ANK1: variants seen among roughly 807,000 people sequenced by gnomAD.
ANK1 encodes ankyrin-1.
Under a neutral mutation model 210.4 loss-of-function variants are expected in ANK1, and 51 were observed. The ratio of observed to expected loss-of-function variants is 0.24; its 90% CI spans 0.19 to 0.31. The LOEUF (loss-of-function observed/expected upper bound fraction) is 0.31. Among genes scored for constraint, ANK1 ranks in the 10% least tolerant of loss-of-function variants. The probability of loss-of-function intolerance (pLI) is 1.00; values close to 1 mark genes in which losing one functional copy is unlikely to be tolerated. For missense variants in ANK1, 2,051 were observed against 2,504.4 expected (o/e 0.82, Z 3.86); for synonymous variants, 967 against 1,025.9 (o/e 0.94, Z 1.10).
chr8:41,833,735 G>A (rs1368400813), intron 1 of ANK1, among the ~76,000 whole-genome samples: 1 of 152,162 alleles, frequency 6.6e-6, no homozygotes, highest in African/African-American at 2.4e-5. Context: ...CTGTGTTGGT[G>A]CTGTGGCTGC....
At chr8:41,659,645 AC>A (rs983797766) in intron 42 of ANK1, among the ~76,000 whole-genome samples, 3 of 151,904 alleles carry the variant, frequency 2.0e-5, no homozygotes, top group African/African-American at 7.3e-5. Context: ...ACCCTCTGGG[AC>A]TTTGGCAGGA....
chr8:41,747,818 A>T (rs947926273), intron 2 of ANK1, among the ~76,000 whole-genome samples: 4 of 152,198 alleles, frequency 2.6e-5, no homozygotes, highest in Non-Finnish European at 5.9e-5. Flanking sequence ...GATTCCATGG[A>T]ATGTCCCTGC....
chr8:41,849,507 G>C lies in ANK1; in HGVS notation c.126+46848C>G, dbSNP rs115080873. ...CCATTGTACTCCAGCCTGGGAGAGAGAGCGAGACAATGTCCCAAAAAAAAA... is the reference window on the plus strand; with the variant it reads ...CCATTGTACTCCAGCCTGGGAGAGACAGCGAGACAATGTCCCAAAAAAAAA... On this transcript the variant is annotated intron_variant, in intron 1 of 42. Transcript: ENST00000265709. Among the ~76,000 whole-genome samples, 681 of 128,012 alleles carry C rather than the reference G, an allele frequency of 5.3e-3. 5 individuals carry two copies. Among genetic ancestry groups the C allele is most frequent in the African/African-American group, 0.017 (536 of 32,450 alleles). The allele number at this position is 128,012 out of a possible 152,430, so 84.0% of individuals were successfully genotyped here.
intron 1 of ANK1, among the ~76,000 whole-genome samples, chr8:41,764,402 A>G (rs1210989494): frequency 6.6e-6 from 1 of 152,176 alleles, no homozygotes; most frequent in Non-Finnish European, 1.5e-5. Context: ...AAAGAATCCA[A>G]TGTGTTCCAT....
chr8:41,697,719 G>C, intron 24 of ANK1: 1 of 422,522 alleles, frequency 2.4e-6, no homozygotes, highest in South Asian at 2.1e-5. Flanking sequence ...GCTGGCTGGA[G>C]TTCCTACCCT....
chr8:41,699,661 G>A (rs1822140630), intron 22 of ANK1, 113 bp from the exon 23 acceptor site: 1 of 967,364 alleles, frequency 1.0e-6, no homozygotes, highest in South Asian at 1.3e-5. Flanking sequence ...GAGGAGTGGG[G>A]AAGGTCTTGA....
At chr8:41,695,890 G>C (rs1300443568) in intron 26 of ANK1, among the ~76,000 whole-genome samples, 1 of 152,222 alleles carries the variant, frequency 6.6e-6, no homozygotes, top group Non-Finnish European at 1.5e-5. Context: ...CTTCAAGGGA[G>C]TGGAGCACAG....
At chr8:41,778,953 A>G (rs957778748) in intron 1 of ANK1, among the ~76,000 whole-genome samples, 3 of 152,172 alleles carry the variant, frequency 2.0e-5, no homozygotes, top group Non-Finnish European at 4.4e-5. Context: ...AGTAAGATCT[A>G]TTTATCCCAC....
Position 41,715,750 on chromosome 8 carries a change from C to A in ANK1, c.1504G>T (p.Ala502Ser), listed in dbSNP as rs758845076. Residue 502 changes from alanine to serine, a missense_variant, in exon 14 of 43, where the codon GCC becomes TCC. Transcript: ENST00000289734. ...GCAATGTGCAGGGGGGTGTGCCCGG[C>A]GGTGGTGGCCAGGTTGGGGTTGGCG... Reference protein sequence around the residue: ...NNANPNLATTAGHTPLHIAAR... With the variant: ...NNANPNLATTSGHTPLHIAAR... 9.9e-6 allele frequency: 16 copies of A among 1,613,878 alleles called. No individual in the cohort carries two copies. Among genetic ancestry groups the A allele is most frequent in the Non-Finnish European group, 1.4e-5 (16 of 1,179,996 alleles).
At position 41,655,413 on chromosome 8, in the gene ANK1, C is replaced by A; in HGVS notation, c.*377G>T. ...ACAATTTAAAAAAAAAACCCCAAAA[C>A]CAAAACCCATCCCCAGCCACAAAAA... On this transcript the variant is annotated 3_prime_UTR_variant, in exon 43 of 43. Transcript: ENST00000289734. The A allele has an allele frequency of 3.1e-6, 1 of 322,976 alleles. No individual in the cohort carries two copies. 20.0% of individuals were successfully genotyped at this position (322,976 alleles called of 1,614,324 possible). A position where few individuals can be genotyped will look rare whatever the true frequency, so the allele number is the denominator to read the frequency against.
chr8:41,889,815 T>A (rs1532940), intron 1 of ANK1, among the ~76,000 whole-genome samples: 96,106 of 152,152 alleles, frequency 0.63, 32,279 homozygotes, highest in African/African-American at 0.87. Flanking sequence ...TATACAGCAC[T>A]GGTGCCACAC....
At chr8:41,876,634 T>C (rs962701201) in intron 1 of ANK1, among the ~76,000 whole-genome samples, 14 of 152,348 alleles carry the variant, frequency 9.2e-5, no homozygotes, top group Middle Eastern at 3.4e-3. Flanking sequence ...TAAAGGGCTC[T>C]GGTTTCCAGC....
At chr8:41,801,185 A>G (rs1849806475), upstream of ANK1, among the ~76,000 whole-genome samples, 1 of 151,726 alleles carries the variant, frequency 6.6e-6, no homozygotes, top group Non-Finnish European at 1.5e-5. Flanking sequence ...ATCACGATTC[A>G]CTGCAGCCTT....
intron 1 of ANK1, among the ~76,000 whole-genome samples, chr8:41,784,199 C>T (rs1276428111): frequency 4.6e-5 from 7 of 152,148 alleles, no homozygotes; most frequent in Admixed American, 3.9e-4. Context: ...TATTTTCACT[C>T]TGACCGAGCT....
intron 1 of ANK1, among the ~76,000 whole-genome samples, chr8:41,767,024 C>G (rs1273829855): frequency 6.6e-6 from 1 of 152,160 alleles, no homozygotes; most frequent in African/African-American, 2.4e-5. Context: ...CGGGGCACCC[C>G]GGCGGCGGCT....
chr8:41,822,117 AGAAAG>A (rs1804473941), intron 1 of ANK1, among the ~76,000 whole-genome samples: 1 of 29,054 alleles, frequency 3.4e-5, no homozygotes. Flanking sequence ...AGAGAGAGAA[AGAAAG>A]AGAAAGAAAG....
intron 2 of ANK1, among the ~76,000 whole-genome samples, chr8:41,743,962 G>A (rs1835425694): frequency 6.6e-6 from 1 of 152,182 alleles, no homozygotes; most frequent in Admixed American, 6.5e-5. Context: ...ACAGGAACCA[G>A]GGATCTTTGG....
chr8:41,668,674 C>T lies in ANK1; in HGVS notation c.5097-110G>A. 3 of 1,226,632 alleles carry T rather than the reference C, an allele frequency of 2.4e-6. No homozygotes were observed. The East Asian group carries it at 7.6e-5, about 31-fold the overall frequency. The allele number at this position is 1,226,632 out of a possible 1,614,324, so 76.0% of individuals were successfully genotyped here. On this transcript the variant is annotated intron_variant, in intron 38 of 42. Coordinates refer to ENST00000289734, the MANE Select transcript of ANK1 (RefSeq NM_000037.4). Reference sequence around the variant, plus strand: ...ACTCTCCCCACCCAGAGCTCTGGCTCATCAAGGACACAGACCGTCCTCCCA... The same window carrying T: ...ACTCTCCCCACCCAGAGCTCTGGCTTATCAAGGACACAGACCGTCCTCCCA...
intron 1 of ANK1, among the ~76,000 whole-genome samples, chr8:41,824,108 C>T (rs112604824): frequency 5.3e-5 from 8 of 151,876 alleles, no homozygotes; most frequent in Admixed American, 5.2e-4. Context: ...TACAGGTGCA[C>T]GCCACCATGC....
Sources: gnomAD v4.1 joint callset for allele counts (sites outside exome capture counted in the v4.1 genomes callset) on GRCh38, gnomAD v4.1.1 for gene constraint, MANE v1.5 for transcripts, NCBI Gene and HGNC (gene_info 2026-07-23, HGNC 2026-07-21) for gene names.